The following KCNQ1 variants were observed in gnomAD, a reference collection of about 807,000 sequenced individuals.
KCNQ1 encodes potassium voltage-gated channel subfamily KQT member 1.
Under a neutral mutation model 72.4 loss-of-function variants are expected in KCNQ1, and 49 were observed. The ratio of observed to expected loss-of-function variants is 0.68; its 90% CI spans 0.54 to 0.86. The LOEUF (loss-of-function observed/expected upper bound fraction) is 0.86, where lower values mean the gene tolerates loss of function less well. Among genes scored for constraint, KCNQ1 ranks in the 40% least tolerant of loss-of-function variants. KCNQ1 has a pLI of 0.00. For missense variants in KCNQ1, 790 were observed against 945.1 expected, an observed-to-expected ratio of 0.84 and a Z score of 2.15; for synonymous variants, 450 against 412.6, an observed-to-expected ratio of 1.09 and a Z score of -1.10.
chr11:2,736,594 C>T (rs550667617), intron 11 of KCNQ1, among the ~76,000 whole-genome samples: 6 of 152,292 alleles, frequency 3.9e-5, no homozygotes, highest in African/African-American at 7.2e-5. Context: ...ATCGCCATAG[C>T]GGCTTGCTTA....
intron 15 of KCNQ1, among the ~76,000 whole-genome samples, chr11:2,807,012 C>A (rs1162366854): frequency 6.6e-6 from 1 of 152,178 alleles, no homozygotes. Context: ...GCCCCACAGT[C>A]TGTGACCGTG....
chr11:2,628,299 C>G (rs1849292395), intron 10 of KCNQ1: 2 of 398,408 alleles, frequency 5.0e-6, no homozygotes, highest in South Asian at 2.5e-4. Flanking sequence ...CCAACACTTG[C>G]TATCTTTTGA....
chr11:2,610,930 C>G (rs1315649650), intron 10 of KCNQ1: 1 of 398,148 alleles, frequency 2.5e-6, no homozygotes, highest in Non-Finnish European at 4.4e-6. Flanking sequence ...CAATAACTCA[C>G]TCTGAATAAT....
At position 2,462,386 on chromosome 11, in the gene KCNQ1, C is replaced by T. The variant is rs1389317728; in HGVS notation, c.386+16902C>T. The stretch of plus-strand genomic sequence containing the variant: ...GCCTCCTCTCTCTGACGGGCCTGCT[C>T]CTGAGCTTGACACCTGCCTGGGGGC... On this transcript the variant is annotated intron_variant, in intron 1 of 15. Coordinates refer to ENST00000155840, the MANE Select transcript of KCNQ1 (RefSeq NM_000218.3). This position sits in a 1 kb window ranked among gnomAD's most constrained non-coding sequence, Gnocchi z 8.2. 6.6e-6 allele frequency among the ~76,000 whole-genome samples: 1 copy of T among 152,214 alleles called. No individual in the cohort carries two copies. The highest frequency in any genetic ancestry group is 1.5e-5 in the Non-Finnish European group (1 of 68,044).
At chr11:2,638,197 A>G (rs1428664562) in intron 10 of KCNQ1, 1 of 152,106 alleles carries the variant, frequency 6.6e-6, no homozygotes, top group African/African-American at 2.4e-5. Flanking sequence ...TAATATTGTT[A>G]TGTGTGAATT....
chr11:2,617,492 G>A lies in KCNQ1; in HGVS notation c.1393+28638G>A, dbSNP rs768338659. 7.5e-6 allele frequency: 3 copies of A among 398,188 alleles called. No individual in the cohort carries two copies. The highest frequency in any genetic ancestry group is 7.1e-5 in the East Asian group (2 of 28,072). The allele number at this position is 398,188 out of a possible 1,614,324, so 24.7% of individuals were successfully genotyped here. A position where few individuals can be genotyped will look rare whatever the true frequency, so the allele number is the denominator to read the frequency against. On this transcript the variant is annotated intron_variant, in intron 10 of 15. Coordinates refer to ENST00000155840, the MANE Select transcript of KCNQ1 (RefSeq NM_000218.3). The surrounding 1 kb of genome is among the most constrained non-coding windows in gnomAD (Gnocchi z 4.6). ...CAATGGACACGTAAGTTTTCATATC[G>A]TGACTCATGCATATAATGCCACAAT...
At chr11:2,560,011 TG>T (rs1387944904) in intron 2 of KCNQ1, among the ~76,000 whole-genome samples, 2 of 145,974 alleles carry the variant, frequency 1.4e-5, no homozygotes, top group African/African-American at 5.1e-5. Context: ...AGGTGCCCTG[TG>T]GGGAGAGGCA....
intron 15 of KCNQ1, among the ~76,000 whole-genome samples, chr11:2,837,482 C>T (rs553450623): frequency 3.7e-4 from 57 of 152,352 alleles, no homozygotes; most frequent in Admixed American, 1.0e-3. Context: ...CCTCCCTGCT[C>T]GAGAGGTGAC....
chr11:2,676,211 GTACA>G lies in KCNQ1; in HGVS notation c.1514+14135_1514+14138del. The G allele has an allele frequency of 5.0e-6, 2 of 398,632 alleles. No individual in the cohort carries two copies. Among genetic ancestry groups the G allele is most frequent in the Non-Finnish European group, 8.8e-6 (2 of 226,078 alleles). The allele number at this position is 398,632 out of a possible 1,614,324, so 24.7% of individuals were successfully genotyped here. A position where few individuals can be genotyped will look rare whatever the true frequency, so the allele number is the denominator to read the frequency against. On this transcript the variant is annotated intron_variant, in intron 11 of 15. Transcript: ENST00000155840. This position sits in a 1 kb window ranked among gnomAD's most constrained non-coding sequence, Gnocchi z 4.2. ...GGTATGCCATACTTCTTTTTGAGCT[GTACA>G]TACAATGCTGATTTATTATGGTGCA...
At position 2,663,176 on chromosome 11, in the gene KCNQ1, G is replaced by C; in HGVS notation, c.1514+1095G>C. 2 of 398,752 alleles carry C rather than the reference G, an allele frequency of 5.0e-6. No individual in the cohort carries two copies. Among genetic ancestry groups the C allele is most frequent in the Non-Finnish European group, 8.8e-6 (2 of 226,170 alleles). The allele number at this position is 398,752 out of a possible 1,614,324, so 24.7% of individuals were successfully genotyped here. ...TTTCCAGGCCCCCCCAGTTCACAGA[G>C]AGGTTGGCAGTACCTCATGGTGGGT... On this transcript the variant is annotated intron_variant, in intron 11 of 15. Transcript: ENST00000155840. This position sits in a 1 kb window ranked among gnomAD's most constrained non-coding sequence, Gnocchi z 5.2.
At chr11:2,511,076 C>T (rs920908805) in intron 1 of KCNQ1, among the ~76,000 whole-genome samples, 8 of 152,148 alleles carry the variant, frequency 5.3e-5, no homozygotes, top group Admixed American at 5.2e-4. Flanking sequence ...TTTCTCTCTC[C>T]CTGTGTCTGT....
At position 2,715,308 on chromosome 11, in the gene KCNQ1, A is replaced by T. The variant is rs1361790957; in HGVS notation, c.1514+53227A>T. 1.3e-5 allele frequency among the ~76,000 whole-genome samples: 2 copies of T among 152,044 alleles called. No individual in the cohort carries two copies. Among genetic ancestry groups the T allele is most frequent in the South Asian group, 2.1e-4 (1 of 4,826 alleles). ...GGAGAGCTCAAGGGAACCTGTAAAGACCTGCGGGCTGTGTCATGGAGGGCC... is the reference window on the plus strand; with the variant it reads ...GGAGAGCTCAAGGGAACCTGTAAAGTCCTGCGGGCTGTGTCATGGAGGGCC... On this transcript the variant is annotated intron_variant, in intron 11 of 15. Coordinates refer to ENST00000155840, the MANE Select transcript of KCNQ1 (RefSeq NM_000218.3). The surrounding 1 kb of genome is among the most constrained non-coding windows in gnomAD (Gnocchi z 4.9).
chr11:2,722,186 A>G (rs992384381), intron 11 of KCNQ1, among the ~76,000 whole-genome samples: 1 of 152,174 alleles, frequency 6.6e-6, no homozygotes, highest in South Asian at 2.1e-4. Context: ...CTGGGGAGCC[A>G]CAAAGCCAGC....
Position 2,544,226 on chromosome 11 carries a change from A to ATATATATATATGTGTGTGTGTG in KCNQ1, c.477+16240_477+16261dup, listed in dbSNP as rs202168896. Among the ~76,000 whole-genome samples, 5 of 147,544 alleles carry ATATATATATATGTGTGTGTGTG rather than the reference A, an allele frequency of 3.4e-5. No individual in the cohort carries two copies. The highest frequency in any genetic ancestry group is 3.9e-4 in the East Asian group (2 of 5,142). ...TCTGATCAATGAGATTATCTATCTC[A>ATATATATATATGTGTGTGTGTG]TATATATATATGTGTGTGTGTGTAT... On this transcript the variant is annotated intron_variant, in intron 2 of 15. Coordinates refer to ENST00000155840, the MANE Select transcript of KCNQ1 (RefSeq NM_000218.3). This position sits in a 1 kb window ranked among gnomAD's most constrained non-coding sequence, Gnocchi z 4.4.
intron 11 of KCNQ1, among the ~76,000 whole-genome samples, chr11:2,727,603 G>A (rs1220359700): frequency 1.3e-5 from 2 of 152,172 alleles, no homozygotes; most frequent in African/African-American, 2.4e-5. Context: ...CCCCGGATCC[G>A]CTCTCCTCCC....
At chr11:2,707,788 G>A (rs1034882327) in intron 11 of KCNQ1, among the ~76,000 whole-genome samples, 3 of 152,238 alleles carry the variant, frequency 2.0e-5, no homozygotes, top group Non-Finnish European at 2.9e-5. Context: ...CTGCACCTGG[G>A]TATCCTGGAG....
intron 11 of KCNQ1, among the ~76,000 whole-genome samples, chr11:2,730,766 G>A (rs572683097): frequency 1.3e-5 from 2 of 152,220 alleles, no homozygotes; most frequent in Admixed American, 6.5e-5. Context: ...CCTGGGAGAC[G>A]CAGGGTTCTT....
rs767385625 is a variant in KCNQ1, at chr11:2,750,237, T to C, written c.1515-18607T>C. On this transcript the variant is annotated intron_variant, in intron 11 of 15. Transcript: ENST00000155840. The surrounding 1 kb of genome is among the most constrained non-coding windows in gnomAD (Gnocchi z 6.3). ...GAATGACATGTATTCCAGGGAAGAA[T>C]TGGGCCGGAGGCTGAAACAGGACGA... 1.3e-5 allele frequency among the ~76,000 whole-genome samples: 2 copies of C among 152,074 alleles called. No individual in the cohort carries two copies. The highest frequency in any genetic ancestry group is 2.9e-5 in the Non-Finnish European group (2 of 68,020).
chr11:2,648,079 G>A, intron 10 of KCNQ1: 1 of 396,798 alleles, frequency 2.5e-6, no homozygotes, highest in Non-Finnish European at 4.4e-6. Flanking sequence ...TTAGCGAGGT[G>A]TGGTGCTGCA....
Sources: allele counts gnomAD v4.1 joint callset (sites outside exome capture counted in the v4.1 genomes callset), GRCh38; gene constraint gnomAD v4.1.1; non-coding constraint Gnocchi (gnomAD v3.1); transcripts MANE v1.5; gene names NCBI Gene and HGNC (gene_info 2026-07-23, HGNC 2026-07-21).